Variants in ERC2 observed in about 807,000 individuals in gnomAD.
ERC2 encodes the protein ELKS/RAB6-interacting/CAST family member 2.
In ERC2, 42 loss-of-function variants were observed where a neutral mutation model predicts 114.8. The observed-to-expected ratio is 0.37, with a 90% CI of 0.29 to 0.47. The LOEUF is 0.47. Ranked by LOEUF, ERC2 falls within the 20% of genes least tolerant of loss-of-function variation. The pLI, the probability that ERC2 is intolerant of heterozygous loss-of-function variation, is 0.99. For missense variants in ERC2, 939 were observed against 1,150.7 expected, an observed-to-expected ratio of 0.82 and a Z score of 2.66; for synonymous variants, 454 against 425.5, an observed-to-expected ratio of 1.07 and a Z score of -0.82.
intron 2 of ERC2, among the ~76,000 whole-genome samples, chr3:56,392,134 A>G (rs1032715667): frequency 6.6e-6 from 1 of 152,232 alleles, no homozygotes; most frequent in African/African-American, 2.4e-5. Context: ...CAAAGAAATG[A>G]TTTTAAAGAA....
At chr3:56,344,929 G>A (rs2058247571) in intron 2 of ERC2, among the ~76,000 whole-genome samples, 1 of 152,156 alleles carries the variant, frequency 6.6e-6, no homozygotes, top group Admixed American at 6.5e-5. Context: ...GAAAACCAAT[G>A]TACCAGTTCC....
chr3:55,902,406 G>T (rs968622910), intron 13 of ERC2, among the ~76,000 whole-genome samples: 4 of 152,068 alleles, frequency 2.6e-5, no homozygotes, highest in Admixed American at 6.6e-5. Flanking sequence ...CATGGAAAAA[G>T]TTCTTAATTG....
intron 17 of ERC2, among the ~76,000 whole-genome samples, chr3:55,605,102 ATT>A (rs112258912): frequency 2.8e-5 from 4 of 145,434 alleles, no homozygotes; most frequent in East Asian, 2.0e-4. Context: ...AAACATGCAA[ATT>A]TTTTTTTTTT....
intron 6 of ERC2, among the ~76,000 whole-genome samples, chr3:56,096,403 T>C (rs2078065926): frequency 6.6e-6 from 1 of 152,172 alleles, no homozygotes; most frequent in South Asian, 2.1e-4. Flanking sequence ...CAGAGCCACA[T>C]GGCTTTTAAG....
intron 15 of ERC2, among the ~76,000 whole-genome samples, chr3:55,733,194 G>C (rs181870334): frequency 2.0e-5 from 3 of 152,086 alleles, no homozygotes; most frequent in Non-Finnish European, 4.4e-5. Flanking sequence ...AAAGAAAGAC[G>C]CTCATTTTGA....
At chr3:55,885,748 T>C (rs980582291) in intron 14 of ERC2, among the ~76,000 whole-genome samples, 1 of 152,228 alleles carries the variant, frequency 6.6e-6, no homozygotes, top group Admixed American at 6.5e-5. Context: ...TTTCATTGGC[T>C]GATAGTGCCA....
At chr3:56,032,447 A>C (rs2074428503) in intron 7 of ERC2, among the ~76,000 whole-genome samples, 1 of 152,194 alleles carries the variant, frequency 6.6e-6, no homozygotes. Context: ...TCATAGAAGA[A>C]GTAGAGAAAG....
chr3:56,243,663 T>G (rs371573470), intron 3 of ERC2, among the ~76,000 whole-genome samples: 2 of 152,134 alleles, frequency 1.3e-5, no homozygotes, highest in East Asian at 3.9e-4. Context: ...AAATATATTT[T>G]AAACAAGAAG....
At chr3:56,337,426 C>T (rs770372486) in intron 2 of ERC2, among the ~76,000 whole-genome samples, 6 of 152,116 alleles carry the variant, frequency 3.9e-5, no homozygotes, top group African/African-American at 9.7e-5. Context: ...GGTATGTAAC[C>T]GTAAGTACTC....
chr3:55,814,642 T>C (rs917496978), intron 14 of ERC2, among the ~76,000 whole-genome samples: 39 of 152,336 alleles, frequency 2.6e-4, no homozygotes, highest in African/African-American at 9.4e-4. Flanking sequence ...ACATGACAGA[T>C]GACAAGTTGT....
At chr3:55,857,998 T>C (rs188457199) in intron 14 of ERC2, among the ~76,000 whole-genome samples, 1 of 152,312 alleles carries the variant, frequency 6.6e-6, no homozygotes, top group African/African-American at 2.4e-5. Context: ...AACAGAACTA[T>C]TTTGCTATAA....
At chr3:55,858,658 T>C (rs1045478836) in intron 14 of ERC2, among the ~76,000 whole-genome samples, 7 of 152,216 alleles carry the variant, frequency 4.6e-5, no homozygotes, top group Admixed American at 2.6e-4. Context: ...CAAGTCTCTA[T>C]ATTGTAGAGC....
intron 17 of ERC2, among the ~76,000 whole-genome samples, chr3:55,665,590 A>C (rs1038521756): frequency 1.3e-5 from 2 of 152,162 alleles, no homozygotes; most frequent in Admixed American, 6.6e-5. Flanking sequence ...CAAGCCAAGG[A>C]ACACCAGAGA....
intron 7 of ERC2, among the ~76,000 whole-genome samples, chr3:56,031,183 A>G (rs2074359615): frequency 6.6e-6 from 1 of 152,206 alleles, no homozygotes; most frequent in African/African-American, 2.4e-5. Context: ...CACAGCCTCC[A>G]GCCTGTCCCC....
intron 2 of ERC2, among the ~76,000 whole-genome samples, chr3:56,411,022 T>A (rs912606277): frequency 2.0e-5 from 3 of 147,092 alleles, no homozygotes; most frequent in African/African-American, 7.6e-5. Flanking sequence ...GACTATTGGG[T>A]GAATTTTGCA....
intron 1 of ERC2, among the ~76,000 whole-genome samples, chr3:56,441,740 T>C (rs1269238980): frequency 6.6e-6 from 1 of 152,174 alleles, no homozygotes; most frequent in Non-Finnish European, 1.5e-5. Context: ...GGAGACAGAA[T>C]TTCACCATGT....
chr3:56,065,101 G>C (rs1013110092), intron 7 of ERC2, among the ~76,000 whole-genome samples: 3 of 152,078 alleles, frequency 2.0e-5, no homozygotes, highest in Non-Finnish European at 4.4e-5. Context: ...GAAATCTTAG[G>C]TATTTTATCT....
chr3:56,370,809 G>C (rs1403546639), intron 2 of ERC2, among the ~76,000 whole-genome samples: 2 of 152,116 alleles, frequency 1.3e-5, no homozygotes, highest in South Asian at 2.1e-4. Context: ...TGGCAGGCTG[G>C]TCTCAAACTC....
chr3:55,616,315 T>C (rs960396852), intron 17 of ERC2, among the ~76,000 whole-genome samples: 3 of 152,224 alleles, frequency 2.0e-5, no homozygotes, highest in African/African-American at 7.2e-5. Context: ...AGGAGTTCCA[T>C]TGGCCGCTGA....
Sources: gnomAD v4.1 joint callset for allele counts (sites outside exome capture counted in the v4.1 genomes callset) on GRCh38, gnomAD v4.1.1 for gene constraint, MANE v1.5 for transcripts, NCBI Gene and HGNC (gene_info 2026-07-23, HGNC 2026-07-21) for gene names.